The following CPAMD8 variants were observed in gnomAD, a reference collection of about 807,000 sequenced individuals.
CPAMD8 encodes the protein C3 and PZP-like alpha-2-macroglobulin domain-containing protein 8.
In CPAMD8, 146 loss-of-function variants were observed where a neutral mutation model predicts 224.7. That is an observed-to-expected ratio of 0.65 (90% CI 0.57 to 0.75). CPAMD8 has a LOEUF of 0.75. CPAMD8 is among the 30% of genes least tolerant of loss of function. The pLI, the probability that CPAMD8 is intolerant of heterozygous loss-of-function variation, is 0.00. For synonymous variants in CPAMD8, 966 were observed against 1,044.6 expected, an observed-to-expected ratio of 0.92 and a Z score of 1.45; for missense variants, 2,301 against 2,537.5, an observed-to-expected ratio of 0.91 and a Z score of 2.00.
chr19:16,906,352 TTCTTTC>T (rs2052485175), intron 30 of CPAMD8, among the ~76,000 whole-genome samples: 1 of 36,240 alleles, frequency 2.8e-5, no homozygotes, highest in African/African-American at 1.0e-4. Context: ...CTTTCTTTCT[TTCTTTC>T]TTTCTTTCTT....
intron 30 of CPAMD8, 68 bp downstream of exon 30, chr19:16,906,884 G>A (rs1350316404): frequency 3.5e-6 from 5 of 1,423,268 alleles, no homozygotes; most frequent in Non-Finnish European, 4.8e-6. Flanking sequence ...ATGTTCATGA[G>A]TTGTTTACCA....
intron 39 of CPAMD8, 96 bp downstream of exon 39, chr19:16,897,595 T>C: frequency 1.5e-6 from 1 of 677,228 alleles, no homozygotes; most frequent in Non-Finnish European, 2.5e-6. Context: ...GCCCCTCCTC[T>C]GCCAAGCCCC....
intron 5 of CPAMD8, among the ~76,000 whole-genome samples, chr19:17,010,812 C>T (rs997523568): frequency 6.6e-6 from 1 of 152,036 alleles, no homozygotes; most frequent in Middle Eastern, 3.2e-3. Context: ...CACCTGAGGT[C>T]AGGAGTTTGA....
chr19:16,941,633 T>G (rs1464388914), intron 22 of CPAMD8, among the ~76,000 whole-genome samples: 1 of 152,150 alleles, frequency 6.6e-6, no homozygotes, highest in Non-Finnish European at 1.5e-5. Flanking sequence ...ATTTCCCCCT[T>G]GCTGTTCTCG....
At chr19:16,944,191 G>A (rs902258430) in intron 22 of CPAMD8, among the ~76,000 whole-genome samples, 3 of 152,184 alleles carry the variant, frequency 2.0e-5, no homozygotes, top group Non-Finnish European at 2.9e-5. Context: ...ACAGTCCTCC[G>A]GTGGGAAGAG....
At chr19:16,998,942 G>A (rs73499109) in intron 10 of CPAMD8, among the ~76,000 whole-genome samples, 8,660 of 152,174 alleles carry the variant, frequency 0.057, 282 homozygotes, top group African/African-American at 0.088. Flanking sequence ...GTCCACCAGC[G>A]GATGAAGGGA....
At chr19:16,900,382 G>A (rs57708423) in intron 36 of CPAMD8, among the ~76,000 whole-genome samples, 8,221 of 152,062 alleles carry the variant, frequency 0.054, 725 homozygotes, top group African/African-American at 0.18. Context: ...CTGATCACCC[G>A]AGGTCAGGAG....
chr19:16,923,706 G>A (rs1359072700), intron 26 of CPAMD8, among the ~76,000 whole-genome samples: 1 of 152,234 alleles, frequency 6.6e-6, no homozygotes, highest in African/African-American at 2.4e-5. Context: ...GCTTGCACCT[G>A]GAATCCCAGC....
At position 16,980,982 on chromosome 19, in the gene CPAMD8, G is replaced by A. The variant is rs150617243; in HGVS notation, c.1396-296C>T. 6.6e-3 allele frequency among the ~76,000 whole-genome samples: 954 copies of A among 145,584 alleles called. 11 individuals are homozygous for A. Among genetic ancestry groups the A allele is most frequent in the African/African-American group, 0.023 (830 of 36,600 alleles). On this transcript the variant is annotated intron_variant, in intron 13 of 41. Coordinates refer to ENST00000443236, the MANE Select transcript of CPAMD8 (RefSeq NM_015692.5). Reference sequence around the variant, plus strand: ...TCCTGGGTAGCTATTACAGGCGCCCGCCACCATGCCGGTATAATTTTTGTA... The same window carrying A: ...TCCTGGGTAGCTATTACAGGCGCCCACCACCATGCCGGTATAATTTTTGTA...
At chr19:16,980,870 T>C (rs1392109002) in intron 13 of CPAMD8, among the ~76,000 whole-genome samples, 184 bp from the exon 14 acceptor site, 1 of 152,076 alleles carries the variant, frequency 6.6e-6, no homozygotes, top group Non-Finnish European at 1.5e-5. Context: ...TGTTTCACTC[T>C]TGTCACCCAG....
At chr19:16,906,387 TTTCTTTCTTTCTTTCTTTCTTTCCTTCC>T (rs1215830231) in intron 30 of CPAMD8, among the ~76,000 whole-genome samples, 3 of 78,122 alleles carry the variant, frequency 3.8e-5, no homozygotes, top group Non-Finnish European at 9.4e-5. Context: ...TCTTTCTTTC[TTTCTTTCTTTCTTTCTTTCTTTCCTTCC>T]TTCCTTCCTT....
rs117391105 is a variant in CPAMD8 at position 16,944,870 on chromosome 19, C to T, written c.2793+679G>A. On this transcript the variant is annotated intron_variant, in intron 22 of 41. Transcript: ENST00000443236. ...CTGGGCCTCTGGGGAATGTGAGTCC[C>T]TTCGGGCTGCTGTTAGGGGCTGTTG... Among the ~76,000 whole-genome samples, 207 of 145,454 alleles carry T rather than the reference C, an allele frequency of 1.4e-3. 9 individuals are homozygous for T. The East Asian group carries it at 0.028, about 20-fold the overall frequency.
intron 12 of CPAMD8, 58 bp from the exon 13 acceptor site, chr19:16,989,829 T>A: frequency 6.4e-7 from 1 of 1,552,204 alleles, no homozygotes; most frequent in Non-Finnish European, 8.8e-7. Context: ...AAGGGGGTCT[T>A]GGGGATGCTT....
chr19:17,004,080 A>C (rs779413374), intron 8 of CPAMD8, among the ~76,000 whole-genome samples, 193 bp downstream of exon 8: 1 of 151,582 alleles, frequency 6.6e-6, no homozygotes, highest in Non-Finnish European at 1.5e-5. Flanking sequence ...TAATTTTTGT[A>C]TTTTTAGTAG....
At chr19:17,004,964 C>CAGAGAG in intron 7 of CPAMD8, among the ~76,000 whole-genome samples, 1 of 139,938 alleles carries the variant, frequency 7.1e-6, no homozygotes, top group South Asian at 2.3e-4. Context: ...GAGAGACAGA[C>CAGAGAG]AGAGAGAGAG....
rs2056422531 is a variant in CPAMD8, at chr19:17,004,324, C to T, written c.622G>A (p.Val208Ile). 4 of 1,613,644 alleles carry T rather than the reference C, an allele frequency of 2.5e-6. No homozygotes were observed. Among genetic ancestry groups the T allele is most frequent in the South Asian group, 1.1e-5 (1 of 91,080 alleles). Residue 208 changes from valine (V) to isoleucine (I), a missense_variant, in exon 8 of 42, where the codon GTT becomes ATT. By Grantham distance (29) the Val-to-Ile change is conservative (BLOSUM62 3). Coordinates refer to ENST00000443236, the MANE Select transcript of CPAMD8 (RefSeq NM_015692.5). ...QPVLGEWFIF[V>I]EMQGHAYNKS... ...TTGTACGCGTGGCCTTGCATTTCAACAAAAATGAACCATTCTCCCAACACA... is the reference window on the plus strand; with the variant it reads ...TTGTACGCGTGGCCTTGCATTTCAATAAAAATGAACCATTCTCCCAACACA...
At chr19:16,990,270 G>T (rs1489320807) in intron 12 of CPAMD8, among the ~76,000 whole-genome samples, 1 of 151,806 alleles carries the variant, frequency 6.6e-6, no homozygotes, top group African/African-American at 2.4e-5. Flanking sequence ...AAAGAAGCAA[G>T]CATCCAAGAT....
At chr19:17,020,379 A>C in intron 2 of CPAMD8, 26 bp from the exon 3 acceptor site, 1 of 1,545,116 alleles carries the variant, frequency 6.5e-7, no homozygotes, top group Non-Finnish European at 8.9e-7. Context: ...AAATGAAAAA[A>C]GTTAAATCAA....
chr19:16,936,973 C>T (rs1490469942), intron 23 of CPAMD8, among the ~76,000 whole-genome samples: 3 of 150,696 alleles, frequency 2.0e-5, no homozygotes, highest in Non-Finnish European at 3.0e-5. Flanking sequence ...TCTTTTTTTC[C>T]CTCTTTTCTT....
Sources: gnomAD v4.1 joint callset for allele counts (sites outside exome capture counted in the v4.1 genomes callset) on GRCh38, gnomAD v4.1.1 for gene constraint, MANE v1.5 for transcripts, NCBI Gene and HGNC (gene_info 2026-07-23, HGNC 2026-07-21) for gene names.